The following ZNF652 variants were observed in gnomAD, a reference collection of about 807,000 sequenced individuals.
The protein encoded by ZNF652 is zinc finger protein 652.
A neutral mutation model predicts 45.2 loss-of-function variants in ZNF652; 16 were observed. That is an observed-to-expected ratio of 0.35 (90% confidence interval 0.24 to 0.54). ZNF652 has a LOEUF of 0.54. Among genes scored for constraint, ZNF652 ranks in the 20% least tolerant of loss-of-function variants. The pLI is 0.91. For synonymous variants in ZNF652, 250 were observed against 260.6 expected (o/e 0.96, Z 0.39); for missense variants, 614 against 765.6 (o/e 0.80, Z 2.34).
rs1034766920 is a variant in ZNF652, at chr17:49,318,203, G to A, written c.-258-220C>T. Among the ~76,000 whole-genome samples the A allele has an allele frequency of 2.6e-4, 40 of 152,014 alleles. 1 individual carries two copies. The highest frequency in any genetic ancestry group is 4.2e-4 in the South Asian group (2 of 4,812). On this transcript the variant is annotated intron_variant, in intron 1 of 5. Transcript: ENST00000430262. ...AGTGATTCCCCTGCCTAAGCCTCCC[G>A]AGTAGCTGGGATTACAGGCGCCCGC...
intron 1 of ZNF652, among the ~76,000 whole-genome samples, chr17:49,344,546 A>C (rs990411407): frequency 5.2e-5 from 7 of 135,176 alleles, no homozygotes; most frequent in African/African-American, 2.0e-4. Flanking sequence ...TTTGAGACAG[A>C]GTCTTGCTCT....
In ZNF652 at chr17:49,342,522, CTT is replaced by C. The variant is rs199722768; in HGVS notation, c.-259+19385_-259+19386del. ...AGGGATCTGCAACTTTCGAGCAAGACTTTTTTTCATTAAATGCCAGATAACAG... is the reference window on the plus strand; with the variant it reads ...AGGGATCTGCAACTTTCGAGCAAGACTTTTTCATTAAATGCCAGATAACAG... On this transcript the variant is annotated intron_variant, in intron 1 of 5. Transcript: ENST00000430262. 1.3e-4 allele frequency among the ~76,000 whole-genome samples: 17 copies of C among 128,044 alleles called. No homozygotes were observed. The East Asian group carries it at 4.0e-3, about 30-fold the overall frequency. The allele number at this position is 128,044 out of a possible 152,430, so 84.0% of individuals were successfully genotyped here. A position where few individuals can be genotyped will look rare whatever the true frequency, so the allele number is the denominator to read the frequency against.
In ZNF652 at chr17:49,293,969, GT is replaced by G. The variant is rs912414141; in HGVS notation, c.*4443del. Among the ~76,000 whole-genome samples, 1 of 151,066 alleles carries G rather than the reference GT, an allele frequency of 6.6e-6. No individual in the cohort carries two copies. Among genetic ancestry groups the G allele is most frequent in the African/African-American group, 2.4e-5 (1 of 41,140 alleles). ...AGGTTTCTCTAACTTTAGTTTTTTA[GT>G]TTTTTTTTAAAACATTAAAACCGAC... On this transcript the variant is annotated 3_prime_UTR_variant, in exon 6 of 6. Transcript: ENST00000430262.
At chr17:49,312,065 T>C (rs1046306980) in intron 3 of ZNF652, 23 bp from the exon 4 acceptor site, 4 of 1,570,392 alleles carry the variant, frequency 2.5e-6, no homozygotes, top group Non-Finnish European at 3.5e-6. Context: ...ATGTACTTAG[T>C]GTCAAAACAA....
In ZNF652 at chr17:49,327,726, AATAAATATATATATATATATATATAT is replaced by A. The variant is rs1159455554; in HGVS notation, c.-258-9769_-258-9744del. Among the ~76,000 whole-genome samples the A allele has an allele frequency of 5.5e-3, 417 of 75,972 alleles. 17 individuals are homozygous for A. The highest frequency in any genetic ancestry group is 0.015 in the South Asian group (25 of 1,668). The allele number at this position is 75,972 out of a possible 152,430, so 49.8% of individuals were successfully genotyped here. A position where few individuals can be genotyped will look rare whatever the true frequency, so the allele number is the denominator to read the frequency against. On this transcript the variant is annotated intron_variant, in intron 1 of 5. Coordinates refer to ENST00000430262, the MANE Select transcript of ZNF652 (RefSeq NM_001145365.3). Reference sequence around the variant, plus strand: ...GAGACCTCGTGTCTACTTTTAAATAAATAAATATATATATATATATATATATATATATATATATATATATATATATA... The same window carrying A: ...GAGACCTCGTGTCTACTTTTAAATAAATATATATATATATATATATATATA...
intron 5 of ZNF652, among the ~76,000 whole-genome samples, chr17:49,307,489 C>T (rs1419694565): frequency 7.1e-6 from 1 of 141,310 alleles, no homozygotes; most frequent in Non-Finnish European, 1.5e-5. Flanking sequence ...AGCTTGTAAT[C>T]CCAGCACTTT....
At chr17:49,355,447 C>A (rs1379238487) in intron 1 of ZNF652, among the ~76,000 whole-genome samples, 3 of 151,596 alleles carry the variant, frequency 2.0e-5, no homozygotes, top group African/African-American at 4.9e-5. Flanking sequence ...CATGGTGGTG[C>A]GCACCTGCAG....
intron 2 of ZNF652, among the ~76,000 whole-genome samples, chr17:49,313,824 T>C (rs1024084405): frequency 6.6e-6 from 1 of 150,600 alleles, no homozygotes; most frequent in African/African-American, 2.4e-5. Flanking sequence ...AATAAAAAAA[T>C]TAGCCGGGCG....
intron 1 of ZNF652, among the ~76,000 whole-genome samples, chr17:49,355,637 C>T (rs956408500): frequency 6.6e-6 from 1 of 152,080 alleles, no homozygotes; most frequent in Admixed American, 6.5e-5. Flanking sequence ...CGGTGGCTCA[C>T]GCCTGTAATC....
intron 1 of ZNF652, among the ~76,000 whole-genome samples, chr17:49,325,387 T>A (rs2069945992): frequency 2.0e-5 from 3 of 152,210 alleles, no homozygotes; most frequent in Admixed American, 6.5e-5. Flanking sequence ...CCATCTTATA[T>A]GAGTATGGTT....
At position 49,292,609 on chromosome 17, in the gene ZNF652, T is replaced by G. The variant is rs562502984; in HGVS notation, c.*5804A>C. On this transcript the variant is annotated 3_prime_UTR_variant, in exon 6 of 6. Transcript: ENST00000430262. ...GGCAGAGCAACAGCAGCACTCAGGATCCTTTCATCAGAAAGGGGAGGCATT... is the reference window on the plus strand; with the variant it reads ...GGCAGAGCAACAGCAGCACTCAGGAGCCTTTCATCAGAAAGGGGAGGCATT... Among the ~76,000 whole-genome samples, 1 of 152,184 alleles carries G rather than the reference T, an allele frequency of 6.6e-6. No homozygotes were observed. The highest frequency in any genetic ancestry group is 2.1e-4 in the South Asian group (1 of 4,820).
At position 49,331,121 on chromosome 17, in the gene ZNF652, C is replaced by CTT. The variant is rs1291833601; in HGVS notation, c.-258-13140_-258-13139dup. On this transcript the variant is annotated intron_variant, in intron 1 of 5. Coordinates refer to ENST00000430262, the MANE Select transcript of ZNF652 (RefSeq NM_001145365.3). ...AAAAGAAAAGGGCTTATGAATGTGT[C>CTT]TTTTTTTTTTTTTTTTTTGGGACGG... Among the ~76,000 whole-genome samples, 414 of 115,676 alleles carry CTT rather than the reference C, an allele frequency of 3.6e-3. 2 individuals are homozygous for CTT. The highest frequency in any genetic ancestry group is 9.2e-3 in the Middle Eastern group (2 of 218). 75.9% of individuals were successfully genotyped at this position (115,676 alleles called of 152,430 possible). A position where few individuals can be genotyped will look rare whatever the true frequency, so the allele number is the denominator to read the frequency against.
intron 1 of ZNF652, among the ~76,000 whole-genome samples, chr17:49,360,806 G>A (rs899839849): frequency 2.6e-5 from 4 of 152,098 alleles, no homozygotes; most frequent in African/African-American, 9.7e-5. Context: ...ATTATGCCTT[G>A]ATCATAGATC....
Position 49,316,994 on chromosome 17 carries a change from A to C in ZNF652, c.732T>G (p.Thr244=). The C allele has an allele frequency of 6.2e-7, 1 of 1,614,000 alleles. No individual in the cohort carries two copies. Among genetic ancestry groups the C allele is most frequent in the Non-Finnish European group, 8.5e-7 (1 of 1,180,034 alleles). ...VQKAKCEEKE[T]LTCEKCPRVF... The stretch of plus-strand genomic sequence containing the variant: ...CCCTGGGGCACTTCTCACAGGTCAG[A>C]GTCTCTTTCTCTTCACACTTAGCTT... Residue 244 remains threonine, a synonymous_variant, in exon 2 of 6, where the codon ACT becomes ACG. Coordinates refer to ENST00000430262, the MANE Select transcript of ZNF652 (RefSeq NM_001145365.3).
chr17:49,341,204 CG>C (rs2070141961), intron 1 of ZNF652, among the ~76,000 whole-genome samples: 1 of 151,414 alleles, frequency 6.6e-6, no homozygotes, highest in Non-Finnish European at 1.5e-5. Flanking sequence ...GGTGACAGAG[CG>C]AGACTGTCTC....
chr17:49,316,053 C>T (rs965207761), intron 2 of ZNF652, among the ~76,000 whole-genome samples: 2 of 152,206 alleles, frequency 1.3e-5, no homozygotes, highest in Admixed American at 6.5e-5. Flanking sequence ...TTACCTCTTA[C>T]GAATATTCAT....
rs2069373416 is a variant in ZNF652 at position 49,289,265 on chromosome 17, C to T, written c.*9148G>A. ...CATTAGCATTAAGTTGGTTACCGTA[C>T]ACATCCAAAGGCCCAGCATCTCAGA... On this transcript the variant is annotated 3_prime_UTR_variant, in exon 6 of 6. Transcript: ENST00000430262. 1 of 149,656 alleles carries T rather than the reference C, an allele frequency of 6.7e-6. No homozygotes were observed. Among genetic ancestry groups the T allele is most frequent in the African/African-American group, 2.5e-5 (1 of 40,454 alleles). 9.3% of individuals were successfully genotyped at this position (149,656 alleles called of 1,614,324 possible).
At chr17:49,304,013 C>T (rs373138735) in intron 5 of ZNF652, among the ~76,000 whole-genome samples, 14 of 151,374 alleles carry the variant, frequency 9.2e-5, no homozygotes, top group Admixed American at 2.0e-4. Context: ...CTCAGCCTCC[C>T]GAGTAGCTGG....
intron 1 of ZNF652, among the ~76,000 whole-genome samples, chr17:49,340,844 G>C (rs2070137775): frequency 1.3e-5 from 2 of 152,114 alleles, no homozygotes; most frequent in African/African-American, 4.8e-5. Flanking sequence ...AGGAGGCTGG[G>C]GCTGCAGTGG....
Sources: allele counts gnomAD v4.1 joint callset (sites outside exome capture counted in the v4.1 genomes callset), GRCh38; gene constraint gnomAD v4.1.1; transcripts MANE v1.5; gene names NCBI Gene and HGNC (gene_info 2026-07-23, HGNC 2026-07-21).